TRPC6: variants seen among roughly 807,000 people sequenced by gnomAD.
TRPC6 encodes transient receptor potential cation channel subfamily C member 6.
Under a neutral mutation model 90.7 loss-of-function variants are expected in TRPC6, and 55 were observed. The ratio of observed to expected loss-of-function variants is 0.61; its 90% CI spans 0.49 to 0.76. TRPC6 has a LOEUF of 0.76. Ranked by LOEUF, TRPC6 falls within the 30% of genes least tolerant of loss-of-function variation. The probability of loss-of-function intolerance (pLI) is 0.00; values close to 1 mark genes in which losing one functional copy is unlikely to be tolerated. For synonymous variants in TRPC6, 393 were observed against 393.0 expected (o/e 1.00, Z 0.00); for missense variants, 989 against 1,122.7 (o/e 0.88, Z 1.70).
At chr11:101,456,079 C>T (rs558479795) in intron 10 of TRPC6, among the ~76,000 whole-genome samples, 18 of 152,076 alleles carry the variant, frequency 1.2e-4, no homozygotes, top group Non-Finnish European at 2.2e-4. Context: ...ATTTTAGTGT[C>T]CATATAATTT....
intron 2 of TRPC6, among the ~76,000 whole-genome samples, chr11:101,500,172 A>C (rs1271865275): frequency 2.0e-5 from 3 of 148,952 alleles, no homozygotes; most frequent in African/African-American, 4.9e-5. Context: ...ATTGTGTCAC[A>C]TAGTTAAAAT....
At chr11:101,480,258 GT>G (rs1421303215) in intron 5 of TRPC6, among the ~76,000 whole-genome samples, 1 of 152,076 alleles carries the variant, frequency 6.6e-6, no homozygotes, top group Non-Finnish European at 1.5e-5. Flanking sequence ...AAATGAACAT[GT>G]TATATAAAAT....
In TRPC6 at chr11:101,471,228, G is replaced by A. The variant is rs1029656592; in HGVS notation, c.2364C>T (p.Phe788=). Residue 788 remains phenylalanine (F), a synonymous_variant, in exon 9 of 13, where the codon TTC becomes TTT. Coordinates refer to ENST00000344327, the MANE Select transcript of TRPC6 (RefSeq NM_004621.6). ...CCTGGAAACCTTTTTTATGGCCCTG[G>A]AACAGCTCAGAAATCCATTTTTTAA... ...LKLKKWISEL[F]QGHKKGFQED... 4 of 1,613,744 alleles carry A rather than the reference G, an allele frequency of 2.5e-6. No homozygotes were observed. The highest frequency in any genetic ancestry group is 3.4e-6 in the Non-Finnish European group (4 of 1,179,854).
At chr11:101,470,807 GCC>G (rs780988436) in intron 9 of TRPC6, among the ~76,000 whole-genome samples, 4 of 32,154 alleles carry the variant, frequency 1.2e-4, no homozygotes, top group Middle Eastern at 0.024. Flanking sequence ...AAGTTGCCCC[GCC>G]CCCCCCCCCT....
chr11:101,563,640 A>G (rs1861764219), intron 1 of TRPC6, among the ~76,000 whole-genome samples: 1 of 152,126 alleles, frequency 6.6e-6, no homozygotes, highest in Non-Finnish European at 1.5e-5. Context: ...AAAAGTCAGT[A>G]TGAATGGAGT....
chr11:101,563,010 A>G (rs1861747894), intron 1 of TRPC6, among the ~76,000 whole-genome samples: 1 of 152,212 alleles, frequency 6.6e-6, no homozygotes, highest in African/African-American at 2.4e-5. Context: ...CTGGAAAACT[A>G]ATCCATGTAA....
At chr11:101,475,090 T>C (rs775060552) in intron 6 of TRPC6, among the ~76,000 whole-genome samples, 1 of 152,172 alleles carries the variant, frequency 6.6e-6, no homozygotes, top group Non-Finnish European at 1.5e-5. Context: ...CATTAGCTAA[T>C]AGAACTATGT....
chr11:101,489,107 A>C lies in TRPC6; in HGVS notation c.1129-6T>G, dbSNP rs1049768335. 1.9e-6 allele frequency: 3 copies of C among 1,613,976 alleles called. No individual in the cohort carries two copies. The highest frequency in any genetic ancestry group is 2.5e-6 in the Non-Finnish European group (3 of 1,179,818). On this transcript the variant is annotated splice_polypyrimidine_tract_variant and splice_region_variant and intron_variant, in intron 3 of 12. Transcript: ENST00000344327. ...CAGTTTGGATGAGCTACAAACTAGC[A>C]GGGAAGTGACAAAATATTTAAATTT...
At chr11:101,581,659 C>T (rs558674349) in intron 1 of TRPC6, among the ~76,000 whole-genome samples, 7 of 152,312 alleles carry the variant, frequency 4.6e-5, no homozygotes, top group South Asian at 2.1e-4. Flanking sequence ...CTTAAACTTA[C>T]ACCTTCAAAG....
intron 1 of TRPC6, among the ~76,000 whole-genome samples, chr11:101,558,174 A>C (rs143493419): frequency 2.8e-5 from 4 of 144,200 alleles, no homozygotes; most frequent in African/African-American, 1.0e-4. Context: ...CAAACACACA[A>C]ATATATATAA....
In TRPC6 at chr11:101,455,076, A is replaced by G; in HGVS notation, c.2510T>C (p.Ile837Thr). ...KQVGHNKQPS[I>T]RSSEDFHLNS... is the part of the protein sequence containing the mutation. ...TAGATGGAAATCTTCTGAGCTCCTTATACTTGGTTGTTTATTGTGCCCAAC... is the reference window on the plus strand; with the variant it reads ...TAGATGGAAATCTTCTGAGCTCCTTGTACTTGGTTGTTTATTGTGCCCAAC... The change falls in exon 11 of 13, where the codon ATA becomes ACA. Residue 837 changes from isoleucine to threonine, a missense_variant. Ile to Thr is a moderately conservative substitution (Grantham distance 89). This residue lies in a region of TRPC6 where 191 missense variants were observed against 196.7 expected (regional missense o/e 0.97). Transcript: ENST00000344327. 1 of 1,612,570 alleles carries G rather than the reference A, an allele frequency of 6.2e-7. No homozygotes were observed. Among genetic ancestry groups the G allele is most frequent in the Middle Eastern group, 1.7e-4 (1 of 6,044 alleles).
chr11:101,481,691 T>C (rs1173131984), intron 5 of TRPC6, among the ~76,000 whole-genome samples: 2 of 152,294 alleles, frequency 1.3e-5, no homozygotes, highest in South Asian at 2.1e-4. Flanking sequence ...CCCTATCTCC[T>C]GAGTGCCAGG....
At chr11:101,539,766 T>C (rs992291474) in intron 1 of TRPC6, among the ~76,000 whole-genome samples, 1 of 152,232 alleles carries the variant, frequency 6.6e-6, no homozygotes, top group Non-Finnish European at 1.5e-5. Flanking sequence ...ATTGTCTTTA[T>C]AAATAAATTT....
At chr11:101,505,940 A>G (rs1860251939) in intron 1 of TRPC6, among the ~76,000 whole-genome samples, 1 of 150,388 alleles carries the variant, frequency 6.6e-6, no homozygotes, top group South Asian at 2.1e-4. Flanking sequence ...TGAACCCAGG[A>G]GATCAAGGCT....
intron 1 of TRPC6, among the ~76,000 whole-genome samples, chr11:101,579,608 C>T (rs990652769): frequency 1.3e-5 from 2 of 152,092 alleles, no homozygotes; most frequent in African/African-American, 4.8e-5. Context: ...TTATAGGAAC[C>T]TCAGGAGTAT....
chr11:101,505,255 T>C (rs1055606341), intron 1 of TRPC6, among the ~76,000 whole-genome samples: 3 of 152,192 alleles, frequency 2.0e-5, no homozygotes, highest in Non-Finnish European at 1.5e-5. Flanking sequence ...CTAGGAACTA[T>C]ATTCGGTCCA....
intron 12 of TRPC6, 85 bp from the exon 13 acceptor site, chr11:101,453,191 C>G: frequency 7.8e-7 from 1 of 1,275,906 alleles, no homozygotes; most frequent in Non-Finnish European, 1.1e-6. Flanking sequence ...GAAATCAGCT[C>G]TAATTTCACA....
At chr11:101,457,683 A>G (rs1858916348) in intron 10 of TRPC6, among the ~76,000 whole-genome samples, 1 of 152,312 alleles carries the variant, frequency 6.6e-6, no homozygotes, top group Non-Finnish European at 1.5e-5. Flanking sequence ...AGGCTCTGTC[A>G]CTTGTTTGAA....
intron 1 of TRPC6, among the ~76,000 whole-genome samples, chr11:101,562,593 T>C (rs1315841171): frequency 6.6e-6 from 1 of 152,180 alleles, no homozygotes; most frequent in Non-Finnish European, 1.5e-5. Context: ...CTAGTTTACA[T>C]AATAAAATAA....
Sources: gnomAD v4.1 joint callset for allele counts (sites outside exome capture counted in the v4.1 genomes callset) on GRCh38, gnomAD v4.1.1 for gene constraint, gnomAD v4.1.1 regional missense constraint, MANE v1.5 for transcripts, NCBI Gene and HGNC (gene_info 2026-07-23, HGNC 2026-07-21) for gene names.